The following PLXNC1 variants were observed in gnomAD, a reference collection of about 807,000 sequenced individuals.
PLXNC1 encodes plexin-C1.
A neutral mutation model predicts 178.2 loss-of-function variants in PLXNC1; 75 were observed. The ratio of observed to expected loss-of-function variants is 0.42; its 90% CI spans 0.35 to 0.51. PLXNC1 has a LOEUF of 0.51. Ranked by LOEUF, PLXNC1 falls within the 20% of genes least tolerant of loss-of-function variation. The probability of loss-of-function intolerance (pLI) is 0.02; values close to 1 mark genes in which losing one functional copy is unlikely to be tolerated. For missense variants in PLXNC1, 1,503 were observed against 1,984.4 expected (o/e 0.76, Z 4.61); for synonymous variants, 790 against 779.9 (o/e 1.01, Z -0.22).
At chr12:94,190,718 G>A (rs1006672134) in intron 4 of PLXNC1, among the ~76,000 whole-genome samples, 16 of 152,162 alleles carry the variant, frequency 1.1e-4, no homozygotes, top group Admixed American at 7.2e-4. Context: ...CAGGCTTTCC[G>A]TGATCTGGCC....
chr12:94,244,609 G>A lies in PLXNC1; in HGVS notation c.2388+584G>A, dbSNP rs113648284. On this transcript the variant is annotated intron_variant, in intron 12 of 30. Transcript: ENST00000258526. ...ATTCTCCCACTGGTGCCTCCAGATG[G>A]GGATCCTCTAGAGCAGGGGTGTCAA... Among the ~76,000 whole-genome samples, 1,098 of 152,300 alleles carry A rather than the reference G, an allele frequency of 7.2e-3. 14 individuals are homozygous for A. Among genetic ancestry groups the A allele is most frequent in the African/African-American group, 0.025 (1,047 of 41,558 alleles).
At chr12:94,197,256 G>A (rs1962949038) in intron 4 of PLXNC1, among the ~76,000 whole-genome samples, 2 of 152,054 alleles carry the variant, frequency 1.3e-5, no homozygotes, top group Non-Finnish European at 2.9e-5. Flanking sequence ...TTCATGTATT[G>A]GACACTTAAT....
At chr12:94,244,251 AC>A (rs2136057082) in intron 12 of PLXNC1, among the ~76,000 whole-genome samples, 1 of 152,362 alleles carries the variant, frequency 6.6e-6, no homozygotes, top group East Asian at 1.9e-4. Flanking sequence ...TGAACTTGGT[AC>A]GATAAGACCT....
intron 21 of PLXNC1, among the ~76,000 whole-genome samples, chr12:94,273,758 G>C (rs1278016985): frequency 6.6e-6 from 1 of 152,248 alleles, no homozygotes; most frequent in Non-Finnish European, 1.5e-5. Context: ...ATCAATAGAC[G>C]AATCTACCTC....
chr12:94,254,195 C>G (rs1489385988), intron 15 of PLXNC1, among the ~76,000 whole-genome samples: 1 of 152,180 alleles, frequency 6.6e-6, no homozygotes, highest in Non-Finnish European at 1.5e-5. Flanking sequence ...AATGGCAGAG[C>G]AAGGACATGA....
intron 23 of PLXNC1, among the ~76,000 whole-genome samples, chr12:94,287,820 A>G (rs1457941656): frequency 6.6e-6 from 1 of 152,218 alleles, no homozygotes; most frequent in African/African-American, 2.4e-5. Context: ...ATATTCATTT[A>G]ACAAACACGT....
intron 1 of PLXNC1, among the ~76,000 whole-genome samples, chr12:94,156,982 A>G (rs915921528): frequency 6.6e-6 from 1 of 152,178 alleles, no homozygotes; most frequent in African/African-American, 2.4e-5. Flanking sequence ...GATTATAGGC[A>G]TAAGCCAGCA....
chr12:94,180,014 C>T (rs1411965555), intron 2 of PLXNC1, among the ~76,000 whole-genome samples: 4 of 152,170 alleles, frequency 2.6e-5, no homozygotes, highest in Admixed American at 2.6e-4. Context: ...CACCATTATA[C>T]TTCTCTAGCA....
chr12:94,301,510 G>A (rs1327215868), intron 28 of PLXNC1, among the ~76,000 whole-genome samples: 1 of 152,148 alleles, frequency 6.6e-6, no homozygotes, highest in African/African-American at 2.4e-5. Context: ...TCTAATCAAA[G>A]CATGAGTACT....
At chr12:94,229,777 C>T (rs1048870940) in intron 9 of PLXNC1, among the ~76,000 whole-genome samples, 12 of 152,164 alleles carry the variant, frequency 7.9e-5, no homozygotes, top group African/African-American at 2.2e-4. Context: ...ATGGCAGTAA[C>T]GCACTGTTTG....
At position 94,299,396 on chromosome 12, in the gene PLXNC1, A is replaced by AAGT. The variant is rs753090114; in HGVS notation, c.4238+604_4238+606dup. 4.6e-5 allele frequency among the ~76,000 whole-genome samples: 7 copies of AAGT among 152,172 alleles called. No homozygotes were observed. The South Asian group carries it at 1.4e-3, about 32-fold the overall frequency. On this transcript the variant is annotated intron_variant, in intron 27 of 30. Coordinates refer to ENST00000258526, the MANE Select transcript of PLXNC1 (RefSeq NM_005761.3). The stretch of plus-strand genomic sequence containing the variant: ...CTGGATAAGACTCAGAGTTATGATG[A>AAGT]AGTAGAACTTCTCAGTGCAAGCTCA...
chr12:94,305,750 A>AT lies in PLXNC1; in HGVS notation c.*468dup, dbSNP rs1026872603. 1 of 153,058 alleles carries AT rather than the reference A, an allele frequency of 6.5e-6. No individual in the cohort carries two copies. The highest frequency in any genetic ancestry group is 1.5e-5 in the Non-Finnish European group (1 of 68,682). The allele number at this position is 153,058 out of a possible 1,614,324, so 9.5% of individuals were successfully genotyped here. A position where few individuals can be genotyped will look rare whatever the true frequency, so the allele number is the denominator to read the frequency against. On this transcript the variant is annotated 3_prime_UTR_variant, in exon 31 of 31. Coordinates refer to ENST00000258526, the MANE Select transcript of PLXNC1 (RefSeq NM_005761.3). ...TGGGGGTGTTAGGGCAACCTCGAGGATTTGCAGCATTGAAACTTTCCCCAG... is the reference window on the plus strand; with the variant it reads ...TGGGGGTGTTAGGGCAACCTCGAGGATTTTGCAGCATTGAAACTTTCCCCAG...
rs1960850392 is a variant in PLXNC1 at position 94,149,257 on chromosome 12, C to G, written c.286C>G (p.Pro96Ala). ...NCTEPVSLAP[P>A]ARPRPGSSFS... is the part of the protein sequence containing the mutation. The stretch of plus-strand genomic sequence containing the variant: ...CACAGAGCCGGTCTCGCTGGCGCCC[C>G]CCGCGCGGCCCCGGCCCGGGAGCAG... Residue 96 changes from proline (P) to alanine (A), a missense_variant, in exon 1 of 31, where the codon CCC (proline) becomes GCC (alanine). Around this residue, in one of 4 missense-constraint regions of PLXNC1, gnomAD observed 176 missense variants for 180.7 expected, o/e 0.97. Coordinates refer to ENST00000258526, the MANE Select transcript of PLXNC1 (RefSeq NM_005761.3). 1 of 1,540,012 alleles carries G rather than the reference C, an allele frequency of 6.5e-7. No homozygotes were observed. The highest frequency in any genetic ancestry group is 1.4e-5 in the African/African-American group (1 of 70,258).
chr12:94,296,479 ACCAAATG>A (rs889451262), intron 24 of PLXNC1, among the ~76,000 whole-genome samples: 6 of 151,914 alleles, frequency 3.9e-5, no homozygotes, highest in African/African-American at 1.5e-4. Flanking sequence ...AAACAAACAA[ACCAAATG>A]CCTTACTTCC....
rs1190846238 is a variant in PLXNC1 at position 94,181,491 on chromosome 12, T to C, written c.1249T>C (p.Tyr417His). The C allele has an allele frequency of 1.3e-6, 2 of 1,593,664 alleles. No homozygotes were observed. The highest frequency in any genetic ancestry group is 1.7e-6 in the Non-Finnish European group (2 of 1,161,722). ...NLTSNCPEVIYEIKEETPVFY... is the reference protein window; with the variant it reads ...NLTSNCPEVIHEIKEETPVFY... ...GACTTCAAATTGTCCAGAGGTTATCTATGAAATTAAAGAAGAGACACCTGT... is the reference window on the plus strand; with the variant it reads ...GACTTCAAATTGTCCAGAGGTTATCCATGAAATTAAAGAAGAGACACCTGT... The change falls in exon 3 of 31, where the codon TAT (tyrosine) becomes CAT (histidine). Residue 417 changes from tyrosine to histidine, a missense_variant. This residue lies in a region of PLXNC1 where 615 missense variants were observed against 698.6 expected (regional missense o/e 0.88). Coordinates refer to ENST00000258526, the MANE Select transcript of PLXNC1 (RefSeq NM_005761.3).
rs2305970 is a variant in PLXNC1 at position 94,209,502 on chromosome 12, T to C, written c.1440-88T>C. ...TGGCATTTTGTACTGAAGCCAAGTA[T>C]AAGAAAGTTTTAACTAATGCACGTA... is the stretch of plus-strand genomic sequence containing the variant. On this transcript the variant is annotated intron_variant, in intron 4 of 30. Transcript: ENST00000258526. 2.1e-4 allele frequency: 155 copies of C among 752,808 alleles called. No individual in the cohort carries two copies. The East Asian group carries it at 3.8e-3, about 18-fold the overall frequency. 46.6% of individuals were successfully genotyped at this position (752,808 alleles called of 1,614,324 possible). A position where few individuals can be genotyped will look rare whatever the true frequency, so the allele number is the denominator to read the frequency against.
chr12:94,288,901 T>C (rs762516702), intron 23 of PLXNC1, among the ~76,000 whole-genome samples: 1 of 152,254 alleles, frequency 6.6e-6, no homozygotes, highest in Non-Finnish European at 1.5e-5. Flanking sequence ...GTGTAGTGAT[T>C]TGATTCTCAT....
At chr12:94,204,884 T>C (rs1592762462) in intron 4 of PLXNC1, among the ~76,000 whole-genome samples, 1 of 152,194 alleles carries the variant, frequency 6.6e-6, no homozygotes, top group Non-Finnish European at 1.5e-5. Flanking sequence ...TTTTCTGATA[T>C]TATATCAGTG....
At chr12:94,172,413 A>C (rs766161780) in intron 2 of PLXNC1, among the ~76,000 whole-genome samples, 18 of 152,230 alleles carry the variant, frequency 1.2e-4, no homozygotes, top group Non-Finnish European at 2.4e-4. Context: ...AAATCTCTGC[A>C]AATCCTGTGA....
Sources: allele counts gnomAD v4.1 joint callset (sites outside exome capture counted in the v4.1 genomes callset), GRCh38; gene constraint gnomAD v4.1.1; regional missense constraint gnomAD v4.1.1; transcripts MANE v1.5; gene names NCBI Gene and HGNC (gene_info 2026-07-23, HGNC 2026-07-21).